OTOG: variants seen among roughly 807,000 people sequenced by gnomAD.
The protein encoded by OTOG is otogelin.
In OTOG, 296 loss-of-function variants were observed where a neutral mutation model predicts 313.8. The ratio of observed to expected loss-of-function variants is 0.94; its 90% CI spans 0.86 to 1.04. OTOG has a LOEUF of 1.04. OTOG is among the 50% of genes least tolerant of loss of function. The pLI, the probability that OTOG is intolerant of heterozygous loss-of-function variation, is 0.00. For synonymous variants in OTOG, 1,533 were observed against 1,554.9 expected (o/e 0.99, Z 0.33); for missense variants, 3,948 against 3,840.1 (o/e 1.03, Z -0.74).
At chr11:17,601,930 C>T (rs971486058) in intron 31 of OTOG, among the ~76,000 whole-genome samples, 7 of 152,092 alleles carry the variant, frequency 4.6e-5, no homozygotes, top group Non-Finnish European at 7.4e-5. Flanking sequence ...AATGGGGGGC[C>T]CAGGTGCTCC....
rs1342971243 is a variant in OTOG, at chr11:17,612,676, G to A, written c.6349G>A (p.Ala2117Thr). ...CGTGACCTTCGATGGGAGCCACGTA[G>A]CTCTGTTCAAGGAGGCCATCTACAT... ...SFVTFDGSHVALFKEAIYILS... is the reference protein window; with the variant it reads ...SFVTFDGSHVTLFKEAIYILS... The change falls in exon 38 of 56, where the codon GCT becomes ACT. Residue 2117 changes from alanine to threonine, a missense_variant. Physicochemically the swap from Ala to Thr is moderately conservative, Grantham distance 58. Transcript: ENST00000399397. The A allele has an allele frequency of 6.4e-7, 1 of 1,550,566 alleles. No individual in the cohort carries two copies. Among genetic ancestry groups the A allele is most frequent in the Non-Finnish European group, 8.7e-7 (1 of 1,146,960 alleles).
chr11:17,601,405 A>G (rs1565111978), intron 31 of OTOG, among the ~76,000 whole-genome samples: 1 of 142,272 alleles, frequency 7.0e-6, no homozygotes, highest in African/African-American at 2.6e-5. Context: ...GTGTGATGAG[A>G]TGTGAGCTGG....
intron 15 of OTOG, among the ~76,000 whole-genome samples, 165 bp from the exon 16 acceptor site, chr11:17,568,991 C>T (rs533146219): frequency 2.0e-4 from 31 of 152,296 alleles, no homozygotes; most frequent in African/African-American, 6.7e-4. Context: ...CATTCCCAGA[C>T]GAGGGTATTT....
chr11:17,612,497 C>T, intron 37 of OTOG, 123 bp from the exon 38 acceptor site: 2 of 1,384,314 alleles, frequency 1.4e-6, no homozygotes. Context: ...GTCTGAGCCA[C>T]CCTCCAGACC....
In OTOG at chr11:17,553,077, A is replaced by G. The variant is rs549934338; in HGVS notation, c.293-42A>G. ...AGGGCTGCCTCCCTGGGTTCTGCCA[A>G]TCTCAGCTTGATGGGGCAATGACTC... On this transcript the variant is annotated intron_variant, in intron 4 of 55. Coordinates refer to ENST00000399397, the MANE Select transcript of OTOG (RefSeq NM_001292063.2). 4.5e-4 allele frequency: 694 copies of G among 1,540,860 alleles called. 7 individuals carry two copies. The South Asian group carries it at 7.3e-3, about 16-fold the overall frequency.
chr11:17,554,752 C>A (rs988461303), intron 6 of OTOG, among the ~76,000 whole-genome samples: 5 of 152,202 alleles, frequency 3.3e-5, no homozygotes, highest in Non-Finnish European at 7.3e-5. Context: ...ATTTTCATGA[C>A]CTATCATTTC....
chr11:17,578,268 G>T, intron 22 of OTOG, 105 bp from the exon 23 acceptor site: 1 of 1,408,980 alleles, frequency 7.1e-7, no homozygotes, highest in South Asian at 1.6e-5. Context: ...GGAGGGAGGA[G>T]ACTTCCGAGC....
intron 48 of OTOG, 66 bp from the exon 49 acceptor site, chr11:17,639,357 G>T: frequency 6.6e-7 from 1 of 1,517,304 alleles, no homozygotes; most frequent in Non-Finnish European, 9.0e-7. Flanking sequence ...AGAGGTCCAG[G>T]GTACCCAGGG....
intron 32 of OTOG, among the ~76,000 whole-genome samples, chr11:17,604,933 C>G (rs538227450): frequency 6.6e-6 from 1 of 152,350 alleles, no homozygotes; most frequent in East Asian, 1.9e-4. Context: ...CGCAGCTTCC[C>G]AGGGAGGTGT....
chr11:17,643,881 A>G (rs1303856347), intron 54 of OTOG, among the ~76,000 whole-genome samples: 1 of 152,196 alleles, frequency 6.6e-6, no homozygotes, highest in African/African-American at 2.4e-5. Context: ...CTGGTCTTGG[A>G]GGAGCCTCCT....
chr11:17,549,371 T>C (rs1442173758), intron 3 of OTOG, among the ~76,000 whole-genome samples: 3 of 152,194 alleles, frequency 2.0e-5, no homozygotes, highest in Admixed American at 6.5e-5. Flanking sequence ...GAAATAGACA[T>C]GAAGACCCCA....
chr11:17,547,425 GGGGTGAGCAGGCAGCCGAGTCCCTGC>G lies in OTOG; in HGVS notation c.59_84del (p.Glu20AlafsTer47), dbSNP rs1444537642. On this transcript the variant is annotated frameshift_variant, in exon 1 of 56. Transcript: ENST00000399397. LOFTEE classifies it high-confidence loss of function. The stretch of plus-strand genomic sequence containing the variant: ...TGGCTGCTTTGTGTCTGGCTGCCCT[GGGGTGAGCAGGCAGCCGAGTCCCTGC>G]GGGTGCAGCGCCTCGGTGAGAGGGT... The G allele has an allele frequency of 1.4e-6, 2 of 1,408,542 alleles. No homozygotes were observed. The highest frequency in any genetic ancestry group is 5.8e-5 in the East Asian group (2 of 34,254). 87.3% of individuals were successfully genotyped at this position (1,408,542 alleles called of 1,614,324 possible).
intron 24 of OTOG, among the ~76,000 whole-genome samples, chr11:17,590,377 T>C (rs1852902608): frequency 6.6e-6 from 1 of 152,220 alleles, no homozygotes; most frequent in Non-Finnish European, 1.5e-5. Context: ...GTCTTGTCTT[T>C]CACTACCTAT....
chr11:17,638,702 C>T, intron 48 of OTOG, 153 bp downstream of exon 48: 2 of 1,524,810 alleles, frequency 1.3e-6, no homozygotes, highest in Non-Finnish European at 1.8e-6. Context: ...CTTCCTTCTG[C>T]ATCCGCACTC....
chr11:17,573,427 C>T, intron 19 of OTOG, 137 bp downstream of exon 19: 1 of 910,824 alleles, frequency 1.1e-6, no homozygotes, highest in Non-Finnish European at 1.6e-6. Context: ...TGCTTCTCCT[C>T]CTGCACCCTC....
At chr11:17,605,250 G>A (rs960178876) in intron 32 of OTOG, among the ~76,000 whole-genome samples, 4 of 152,234 alleles carry the variant, frequency 2.6e-5, no homozygotes, top group Non-Finnish European at 5.9e-5. Flanking sequence ...CAGTTATGGA[G>A]ACCAGAGAGA....
chr11:17,558,147 C>T, intron 8 of OTOG, 38 bp from the exon 9 acceptor site: 1 of 1,549,138 alleles, frequency 6.5e-7, no homozygotes, highest in Non-Finnish European at 8.7e-7. Context: ...CACCCAACCC[C>T]ATCGCTGCCC....
intron 53 of OTOG, 23 bp downstream of exon 53, chr11:17,642,269 A>G (rs1272705670): frequency 6.5e-7 from 1 of 1,540,026 alleles, no homozygotes; most frequent in East Asian, 2.5e-5. Context: ...TTCTCCACTG[A>G]GGCTGTAGGC....
At chr11:17,574,490 G>A (rs1324336138) in intron 19 of OTOG, among the ~76,000 whole-genome samples, 3 of 152,190 alleles carry the variant, frequency 2.0e-5, no homozygotes, top group African/African-American at 7.2e-5. Context: ...GGCTGAACTT[G>A]GTAGAAGGAC....
Sources: allele counts gnomAD v4.1 joint callset (sites outside exome capture counted in the v4.1 genomes callset), GRCh38; gene constraint gnomAD v4.1.1; transcripts MANE v1.5; gene names NCBI Gene and HGNC (gene_info 2026-07-23, HGNC 2026-07-21).